The following TMEM167B variants were observed in gnomAD, a reference collection of about 807,000 sequenced individuals.
TMEM167B encodes protein kish-B.
TMEM167B carries 2 observed loss-of-function variants against 9.4 expected under a neutral mutation model. The ratio of observed to expected loss-of-function variants is 0.21; its 90% CI spans 0.09 to 0.67. The LOEUF (loss-of-function observed/expected upper bound fraction) is 0.67. TMEM167B is among the 30% of genes least tolerant of loss of function. The pLI is 0.82. For synonymous variants in TMEM167B, 28 were observed against 32.0 expected, an observed-to-expected ratio of 0.87 and a Z score of 0.42; for missense variants, 68 against 87.6, an observed-to-expected ratio of 0.78 and a Z score of 0.89.
intron 2 of TMEM167B, chr1:109,093,259 A>G (rs1267570232): frequency 2.1e-6 from 1 of 470,882 alleles, no homozygotes; most frequent in Non-Finnish European, 3.8e-6. Context: ...TGGGGGGCCA[A>G]GGCAGGAGGA....
rs753669342 is a variant in TMEM167B at position 109,095,380 on chromosome 1, A to G, written c.*881A>G. The G allele has an allele frequency of 6.6e-6, 1 of 152,216 alleles. No homozygotes were observed. Among genetic ancestry groups the G allele is most frequent in the Non-Finnish European group, 1.5e-5 (1 of 68,042 alleles). 9.4% of individuals were successfully genotyped at this position (152,216 alleles called of 1,614,324 possible). On this transcript the variant is annotated 3_prime_UTR_variant, in exon 3 of 3. Transcript: ENST00000338272. ...CTAGGGGAAAAAGAAACTATTGAAG[A>G]AATAATTGTTTAGTATATTTGCAGT... is the stretch of plus-strand genomic sequence containing the variant.
At position 109,095,614 on chromosome 1, in the gene TMEM167B, T is replaced by C. The variant is rs1664551818; in HGVS notation, c.*1115T>C. On this transcript the variant is annotated 3_prime_UTR_variant, in exon 3 of 3. Coordinates refer to ENST00000338272, the MANE Select transcript of TMEM167B (RefSeq NM_020141.4). ...ATTTTCTTCATATTGCATTGCTCTTTAGTTGTCTCTGGAAATTCTATTTAC... is the reference window on the plus strand; with the variant it reads ...ATTTTCTTCATATTGCATTGCTCTTCAGTTGTCTCTGGAAATTCTATTTAC... 6.6e-6 allele frequency: 1 copy of C among 152,204 alleles called. No homozygotes were observed. The highest frequency in any genetic ancestry group is 1.5e-5 in the Non-Finnish European group (1 of 68,032). 9.4% of individuals were successfully genotyped at this position (152,204 alleles called of 1,614,324 possible). A position where few individuals can be genotyped will look rare whatever the true frequency, so the allele number is the denominator to read the frequency against.
intron 2 of TMEM167B, chr1:109,093,755 T>C (rs1664506381): frequency 6.6e-6 from 1 of 152,268 alleles, no homozygotes; most frequent in South Asian, 2.1e-4. Flanking sequence ...TTTGGAATCC[T>C]ATCTACCTAA....
At chr1:109,092,085 C>T (rs1243658068) in intron 1 of TMEM167B, among the ~76,000 whole-genome samples, 1 of 152,168 alleles carries the variant, frequency 6.6e-6, no homozygotes, top group Non-Finnish European at 1.5e-5. Flanking sequence ...TTAGGTGATT[C>T]ATTGTGCTTC....
chr1:109,094,241 C>T (rs1664516854), intron 2 of TMEM167B, among the ~76,000 whole-genome samples, 176 bp from the exon 3 acceptor site: 1 of 152,158 alleles, frequency 6.6e-6, no homozygotes, highest in South Asian at 2.1e-4. Flanking sequence ...GATCGCGCCA[C>T]TGCACTCCAG....
chr1:109,090,775 C>T lies in TMEM167B; in HGVS notation c.-98C>T. The stretch of plus-strand genomic sequence containing the variant: ...GCGTACTACGGCTTCTTCCAGTCAC[C>T]TCGGCCCGGATCGGGAAGTGTCAAG... On this transcript the variant is annotated 5_prime_UTR_variant, in exon 1 of 3. Transcript: ENST00000338272. 1.4e-6 allele frequency: 2 copies of T among 1,477,290 alleles called. No individual in the cohort carries two copies. Among genetic ancestry groups the T allele is most frequent in the South Asian group, 1.2e-5 (1 of 82,520 alleles). The allele number at this position is 1,477,290 out of a possible 1,614,324, so 91.5% of individuals were successfully genotyped here.
chr1:109,094,652 T>G lies in TMEM167B; in HGVS notation c.*153T>G. On this transcript the variant is annotated 3_prime_UTR_variant, in exon 3 of 3. Transcript: ENST00000338272. ...TGCCCCTGCTATATGTGGGGAAAAC[T>G]CATGGTCACGAACATTATTTATGCT... 1 of 681,108 alleles carries G rather than the reference T, an allele frequency of 1.5e-6. No individual in the cohort carries two copies. The highest frequency in any genetic ancestry group is 2.6e-5 in the Admixed American group (1 of 38,116). The allele number at this position is 681,108 out of a possible 1,614,324, so 42.2% of individuals were successfully genotyped here.
chr1:109,093,811 C>T (rs1053885170), intron 2 of TMEM167B: 1 of 152,336 alleles, frequency 6.6e-6, no homozygotes. Flanking sequence ...AGTATATTCA[C>T]CTAGACCCTA....
chr1:109,092,776 A>G (rs512671), intron 1 of TMEM167B, 114 bp from the exon 2 acceptor site: 396,035 of 1,183,346 alleles, frequency 0.33, 70,629 homozygotes, highest in African/African-American at 0.56. Flanking sequence ...CTGCCTGTTG[A>G]GGTTATTATT....
At chr1:109,093,090 G>A in intron 2 of TMEM167B, 69 bp downstream of exon 2, 1 of 1,579,344 alleles carries the variant, frequency 6.3e-7, no homozygotes. Flanking sequence ...AAAGTAGGGA[G>A]TACAGTGAGC....
rs1454080642 is a variant in TMEM167B, at chr1:109,096,429, C to T, written c.*1930C>T. 1 of 152,154 alleles carries T rather than the reference C, an allele frequency of 6.6e-6. No individual in the cohort carries two copies. Among genetic ancestry groups the T allele is most frequent in the African/African-American group, 2.4e-5 (1 of 41,434 alleles). 9.4% of individuals were successfully genotyped at this position (152,154 alleles called of 1,614,324 possible). A position where few individuals can be genotyped will look rare whatever the true frequency, so the allele number is the denominator to read the frequency against. Reference sequence around the variant, plus strand: ...TAATGATTTTTGTTTTCTAATAGGGCAAATGTCTCTAAGCTTGGTGTTTAG... The same window carrying T: ...TAATGATTTTTGTTTTCTAATAGGGTAAATGTCTCTAAGCTTGGTGTTTAG... On this transcript the variant is annotated 3_prime_UTR_variant, in exon 3 of 3. Coordinates refer to ENST00000338272, the MANE Select transcript of TMEM167B (RefSeq NM_020141.4).
At chr1:109,091,065 TC>T (rs1664437925) in intron 1 of TMEM167B, among the ~76,000 whole-genome samples, 183 bp downstream of exon 1, 1 of 150,622 alleles carries the variant, frequency 6.6e-6, no homozygotes. Flanking sequence ...CCCATATTCA[TC>T]TAGGACCCCC....
Position 109,095,240 on chromosome 1 carries a change from A to C in TMEM167B, c.*741A>C, listed in dbSNP as rs564974987. ...ACCAGTATCCTCAAATGGAGACTTCACTTGATCAGATGGTATATGAAAAAT... is the reference window on the plus strand; with the variant it reads ...ACCAGTATCCTCAAATGGAGACTTCCCTTGATCAGATGGTATATGAAAAAT... On this transcript the variant is annotated 3_prime_UTR_variant, in exon 3 of 3. Transcript: ENST00000338272. 1.3e-5 allele frequency: 2 copies of C among 152,348 alleles called. No homozygotes were observed. Among genetic ancestry groups the C allele is most frequent in the Admixed American group, 1.3e-4 (2 of 15,292 alleles). The allele number at this position is 152,348 out of a possible 1,614,324, so 9.4% of individuals were successfully genotyped here.
At chr1:109,092,805 C>A in intron 1 of TMEM167B, 85 bp from the exon 2 acceptor site, 1 of 1,486,616 alleles carries the variant, frequency 6.7e-7, no homozygotes, top group Non-Finnish European at 9.2e-7. Context: ...ATGTCACACA[C>A]TATCTTCCTT....
chr1:109,093,328 C>T (rs929465430), intron 2 of TMEM167B: 4 of 257,892 alleles, frequency 1.6e-5, no homozygotes, highest in East Asian at 1.9e-4. Flanking sequence ...CCCATTTCTA[C>T]AAAATATACA....
In TMEM167B at chr1:109,096,229, A is replaced by G. The variant is rs1306840558; in HGVS notation, c.*1730A>G. 6.6e-6 allele frequency: 1 copy of G among 152,216 alleles called. No individual in the cohort carries two copies. 9.4% of individuals were successfully genotyped at this position (152,216 alleles called of 1,614,324 possible). A position where few individuals can be genotyped will look rare whatever the true frequency, so the allele number is the denominator to read the frequency against. On this transcript the variant is annotated 3_prime_UTR_variant, in exon 3 of 3. Transcript: ENST00000338272. Reference sequence around the variant, plus strand: ...TTGGTCCACAGGGTAAATTTCAACAATTCATACGTTTTCCATTGTCATTTC... The same window carrying G: ...TTGGTCCACAGGGTAAATTTCAACAGTTCATACGTTTTCCATTGTCATTTC...
In TMEM167B at chr1:109,093,051, A is replaced by G. The variant is rs1664486340; in HGVS notation, c.142+30A>G. 5 of 1,613,484 alleles carry G rather than the reference A, an allele frequency of 3.1e-6. No individual in the cohort carries two copies. In the East Asian group the frequency reaches 1.1e-4, roughly 36 times the overall value. On this transcript the variant is annotated intron_variant, in intron 2 of 2. Transcript: ENST00000338272. ...GGCCATGTCTGGACAGGGAGAAGAG[A>G]CTGCCATCTCTGGACAGTGTGGAGC...
At chr1:109,094,015 C>T (rs1664512432) in intron 2 of TMEM167B, among the ~76,000 whole-genome samples, 1 of 152,050 alleles carries the variant, frequency 6.6e-6, no homozygotes, top group South Asian at 2.1e-4. Context: ...CACGGTGGCT[C>T]ACGCCTGTAA....
intron 1 of TMEM167B, among the ~76,000 whole-genome samples, chr1:109,092,457 T>G (rs538953374): frequency 6.6e-6 from 1 of 152,232 alleles, no homozygotes; most frequent in Non-Finnish European, 1.5e-5. Flanking sequence ...AGGATTCATA[T>G]GTCTCAATCT....
Sources: gnomAD v4.1 joint callset for allele counts (sites outside exome capture counted in the v4.1 genomes callset) on GRCh38, gnomAD v4.1.1 for gene constraint, MANE v1.5 for transcripts, NCBI Gene and HGNC (gene_info 2026-07-23, HGNC 2026-07-21) for gene names.